The following CBL variants were observed in gnomAD, a reference collection of about 807,000 sequenced individuals.
The protein encoded by CBL is Cbl proto-oncogene, also known as E3 ubiquitin-protein ligase CBL.
In CBL, 45 loss-of-function variants were observed where a neutral mutation model predicts 96.9. The ratio of observed to expected loss-of-function variants is 0.46; its 90% CI spans 0.37 to 0.60. The LOEUF (loss-of-function observed/expected upper bound fraction) is 0.60. Among genes scored for constraint, CBL ranks in the 20% least tolerant of loss-of-function variants. The probability of loss-of-function intolerance (pLI) is 0.00; values close to 1 mark genes in which losing one functional copy is unlikely to be tolerated. For missense variants in CBL, 1,024 were observed against 1,143.5 expected, an observed-to-expected ratio of 0.90 and a Z score of 1.51; for synonymous variants, 420 against 426.8, an observed-to-expected ratio of 0.98 and a Z score of 0.20.
intron 1 of CBL, among the ~76,000 whole-genome samples, chr11:119,225,023 A>G (rs1467944914): frequency 1.3e-5 from 2 of 151,030 alleles, no homozygotes; most frequent in Non-Finnish European, 2.9e-5. Context: ...TTAGGCAAGT[A>G]CTCCGTTTTA....
chr11:119,280,420 T>G (rs1354397779), intron 9 of CBL, among the ~76,000 whole-genome samples: 4 of 152,250 alleles, frequency 2.6e-5, no homozygotes, highest in African/African-American at 9.6e-5. Context: ...TGAAAATATT[T>G]AACTTTTGGT....
rs199633558 is a variant in CBL, at chr11:119,278,581, G to T, written c.1299G>T (p.Pro433=). Residue 433 remains proline, a synonymous_variant, in exon 9 of 16, where the codon CCG becomes CCT. Coordinates refer to ENST00000264033, the MANE Select transcript of CBL (RefSeq NM_005188.4). The part of the protein sequence containing the change: ...IKGTEPIVVD[P]FDPRGSGSLL... ...GTACTGAACCCATCGTGGTAGATCC[G>T]TTTGATCCTAGAGGGAGTGGCAGCC... 1 of 1,614,136 alleles carries T rather than the reference G, an allele frequency of 6.2e-7. No individual in the cohort carries two copies. The highest frequency in any genetic ancestry group is 1.7e-5 in the Admixed American group (1 of 60,016).
intron 2 of CBL, among the ~76,000 whole-genome samples, chr11:119,266,032 A>AAAAGAAAG (rs1174381765): frequency 6.7e-6 from 1 of 148,864 alleles, no homozygotes; most frequent in South Asian, 2.1e-4. Context: ...AAAAAAAAAA[A>AAAAGAAAG]AAAGAAAGAA....
At chr11:119,253,023 C>T (rs953483930) in intron 2 of CBL, among the ~76,000 whole-genome samples, 7 of 151,974 alleles carry the variant, frequency 4.6e-5, no homozygotes, top group Non-Finnish European at 7.4e-5. Context: ...GGCACACTTA[C>T]GTGTCAGTAG....
chr11:119,291,472 G>A (rs574299565), intron 12 of CBL, among the ~76,000 whole-genome samples: 3 of 152,312 alleles, frequency 2.0e-5, no homozygotes, highest in African/African-American at 7.2e-5. Context: ...TTGGGAGGCC[G>A]AGGCAAGCGG....
rs528018961 is a variant in CBL, at chr11:119,238,198, G to A, written c.443+5503G>A. Among the ~76,000 whole-genome samples the A allele has an allele frequency of 3.8e-4, 56 of 147,308 alleles. 1 individual carries two copies. In the South Asian group the frequency reaches 0.011, roughly 29 times the overall value. The stretch of plus-strand genomic sequence containing the variant: ...GAATTTCTGCATGAATTTAGAATCA[G>A]CCTGTCAATTTGATCCCAAATACAA... On this transcript the variant is annotated intron_variant, in intron 2 of 15. Transcript: ENST00000264033.
chr11:119,209,450 T>G (rs1379822850), intron 1 of CBL, among the ~76,000 whole-genome samples: 1 of 152,098 alleles, frequency 6.6e-6, no homozygotes, highest in Non-Finnish European at 1.5e-5. Flanking sequence ...AAATGCTGCC[T>G]CTACTAAAAA....
chr11:119,227,553 CTTT>C (rs757085592), intron 1 of CBL, among the ~76,000 whole-genome samples: 2 of 142,508 alleles, frequency 1.4e-5, no homozygotes, highest in South Asian at 2.2e-4. Flanking sequence ...TTATAATTTT[CTTT>C]TTTTTTTTTT....
At position 119,275,815 on chromosome 11, in the gene CBL, T is replaced by C. The variant is rs946237565; in HGVS notation, c.870-182T>C. 1.3e-4 allele frequency among the ~76,000 whole-genome samples: 20 copies of C among 152,116 alleles called. 1 individual carries two copies. Among genetic ancestry groups the C allele is most frequent in the Middle Eastern group, 6.3e-3 (2 of 316 alleles). The stretch of plus-strand genomic sequence containing the variant: ...AGGTGGAGGCTGCAGTGAGCTGAGA[T>C]TGTGCCACTGCACTCTAGCCTGGGT... On this transcript the variant is annotated intron_variant, in intron 5 of 15. Transcript: ENST00000264033.
intron 12 of CBL, 52 bp from the exon 13 acceptor site, chr11:119,296,866 A>C (rs139255163): frequency 2.6e-4 from 235 of 917,616 alleles, no homozygotes; most frequent in Non-Finnish European, 3.8e-4. Flanking sequence ...TTATACTTCA[A>C]AGTTTACTGG....
chr11:119,283,785 C>T (rs573627667), intron 9 of CBL, among the ~76,000 whole-genome samples: 3 of 151,134 alleles, frequency 2.0e-5, no homozygotes, highest in African/African-American at 7.3e-5. Context: ...CTACAGGCGC[C>T]CGCCACCACA....
chr11:119,252,897 A>T lies in CBL; in HGVS notation c.444-18838A>T, dbSNP rs1949681277. ...ACTCCATCTCAAGAAAAAAAAAAAA[A>T]AAAGATTAAAAAAAAATAAAATCAC... On this transcript the variant is annotated intron_variant, in intron 2 of 15. Coordinates refer to ENST00000264033, the MANE Select transcript of CBL (RefSeq NM_005188.4). Among the ~76,000 whole-genome samples, 3 of 151,770 alleles carry T rather than the reference A, an allele frequency of 2.0e-5. No individual in the cohort carries two copies. In the South Asian group the frequency reaches 6.2e-4, roughly 32 times the overall value.
At chr11:119,232,351 G>A in intron 1 of CBL, 97 bp from the exon 2 acceptor site, 1 of 1,295,530 alleles carries the variant, frequency 7.7e-7, no homozygotes, top group Non-Finnish European at 1.1e-6. Flanking sequence ...TTCATATTTT[G>A]CAAAAGAGCA....
rs148174306 is a variant in CBL, at chr11:119,283,176, C to T, written c.1432-1793C>T. On this transcript the variant is annotated intron_variant, in intron 9 of 15. Coordinates refer to ENST00000264033, the MANE Select transcript of CBL (RefSeq NM_005188.4). Reference sequence around the variant, plus strand: ...TGAGAATCTTTTAGGGAAAAATCAGCAGGATATAGCTACTGACAAAATAAT... The same window carrying T: ...TGAGAATCTTTTAGGGAAAAATCAGTAGGATATAGCTACTGACAAAATAAT... Among the ~76,000 whole-genome samples the T allele has an allele frequency of 5.6e-3, 859 of 152,298 alleles. 8 individuals carry two copies. Among genetic ancestry groups the T allele is most frequent in the South Asian group, 0.016 (79 of 4,826 alleles).
chr11:119,275,137 G>C (rs553059996), intron 5 of CBL, among the ~76,000 whole-genome samples, 184 bp downstream of exon 5: 1 of 152,244 alleles, frequency 6.6e-6, no homozygotes, highest in South Asian at 2.1e-4. Flanking sequence ...ATGTTTTCAG[G>C]CCACTTAAGA....
At position 119,273,859 on chromosome 11, in the gene CBL, C is replaced by T. The variant is rs747041808; in HGVS notation, c.591-9C>T. The T allele has an allele frequency of 3.1e-6, 5 of 1,613,130 alleles. No individual in the cohort carries two copies. Among genetic ancestry groups the T allele is most frequent in the Middle Eastern group, 1.7e-4 (1 of 6,058 alleles). On this transcript the variant is annotated splice_polypyrimidine_tract_variant and intron_variant, in intron 3 of 15. Coordinates refer to ENST00000264033, the MANE Select transcript of CBL (RefSeq NM_005188.4). ...TTCACTTTATGCCTCCTCTCCACCCCCTCCCCAGGACAATAGTCCCTTGGA... is the reference window on the plus strand; with the variant it reads ...TTCACTTTATGCCTCCTCTCCACCCTCTCCCCAGGACAATAGTCCCTTGGA...
At chr11:119,246,769 A>G (rs1198516720) in intron 2 of CBL, among the ~76,000 whole-genome samples, 1 of 152,154 alleles carries the variant, frequency 6.6e-6, no homozygotes, top group African/African-American at 2.4e-5. Flanking sequence ...AGTTTCTTAA[A>G]AGGTTAGTTG....
In CBL at chr11:119,300,731, G is replaced by T. The variant is rs886047775; in HGVS notation, c.*950G>T. 191 of 396,222 alleles carry T rather than the reference G, an allele frequency of 4.8e-4. No individual in the cohort carries two copies. The highest frequency in any genetic ancestry group is 7.3e-4 in the Non-Finnish European group (165 of 224,894). The allele number at this position is 396,222 out of a possible 1,614,324, so 24.5% of individuals were successfully genotyped here. A position where few individuals can be genotyped will look rare whatever the true frequency, so the allele number is the denominator to read the frequency against. On this transcript the variant is annotated 3_prime_UTR_variant, in exon 16 of 16. Coordinates refer to ENST00000264033, the MANE Select transcript of CBL (RefSeq NM_005188.4). ...CCTCCCCAGAAAATAGTCTGTGGGA[G>T]TCAGTTGCCTTGGTGCCAGGTATGT... is the stretch of plus-strand genomic sequence containing the variant.
At position 119,232,528 on chromosome 11, in the gene CBL, C is replaced by T; in HGVS notation, c.276C>T (p.Tyr92=). 1 of 1,613,554 alleles carries T rather than the reference C, an allele frequency of 6.2e-7. No individual in the cohort carries two copies. Among genetic ancestry groups the T allele is most frequent in the Non-Finnish European group, 8.5e-7 (1 of 1,179,504 alleles). Residue 92 remains tyrosine (Y), a synonymous_variant, in exon 2 of 16, where the codon TAC becomes TAT. Coordinates refer to ENST00000264033, the MANE Select transcript of CBL (RefSeq NM_005188.4). ...PYILDLLPDT[Y]QHLRTILSRY... ...TCTTAGACCTGCTACCAGATACCTACCAGCATCTCCGTACTATCTTGTCAA... is the reference window on the plus strand; with the variant it reads ...TCTTAGACCTGCTACCAGATACCTATCAGCATCTCCGTACTATCTTGTCAA...
Sources: allele counts gnomAD v4.1 joint callset (sites outside exome capture counted in the v4.1 genomes callset), GRCh38; gene constraint gnomAD v4.1.1; transcripts MANE v1.5; gene names NCBI Gene and HGNC (gene_info 2026-07-23, HGNC 2026-07-21).